SMYD3: variants seen among roughly 807,000 people sequenced by gnomAD.
SMYD3 encodes SET and MYND domain containing 3, also known as histone-lysine N-methyltransferase SMYD3.
A neutral mutation model predicts 57.7 loss-of-function variants in SMYD3; 36 were observed. The observed-to-expected ratio is 0.62, with a 90% confidence interval of 0.48 to 0.82. The LOEUF (loss-of-function observed/expected upper bound fraction) is 0.82. SMYD3 is among the 40% of genes least tolerant of loss of function. The pLI, the probability that SMYD3 is intolerant of heterozygous loss-of-function variation, is 0.00. For missense variants in SMYD3, 515 were observed against 538.8 expected (o/e 0.96, Z 0.44); for synonymous variants, 211 against 195.0 (o/e 1.08, Z -0.68).
intron 1 of SMYD3, among the ~76,000 whole-genome samples, chr1:246,422,701 C>A (rs758101275): frequency 3.3e-5 from 5 of 152,166 alleles, no homozygotes; most frequent in Non-Finnish European, 4.4e-5. Context: ...GGATTACAGG[C>A]GTGAGCCACT....
intron 5 of SMYD3, among the ~76,000 whole-genome samples, chr1:246,319,489 C>A (rs570175469): frequency 1.3e-5 from 2 of 152,258 alleles, no homozygotes; most frequent in East Asian, 3.9e-4. Context: ...TATCATACTG[C>A]CATTTCACAT....
intron 5 of SMYD3, among the ~76,000 whole-genome samples, chr1:246,205,402 G>C (rs1052233914): frequency 2.0e-5 from 3 of 152,188 alleles, no homozygotes; most frequent in Admixed American, 6.5e-5. Flanking sequence ...ATCCAGTACA[G>C]TCATGCGCAG....
chr1:246,089,380 T>C (rs1206320523), intron 5 of SMYD3, among the ~76,000 whole-genome samples: 2 of 152,226 alleles, frequency 1.3e-5, no homozygotes, highest in East Asian at 3.8e-4. Context: ...ACATTTTCCA[T>C]GTCCATGAGT....
In SMYD3 at chr1:245,817,605, T is replaced by C. The variant is rs369692578; in HGVS notation, c.1076+40891A>G. The stretch of plus-strand genomic sequence containing the variant: ...CAGACGATCAAATTACTCTGAGCTA[T>C]GGGAGGACATTCAAACCAAAGGCAA... On this transcript the variant is annotated intron_variant, in intron 10 of 11. Transcript: ENST00000490107. Among the ~76,000 whole-genome samples, 210 of 150,524 alleles carry C rather than the reference T, an allele frequency of 1.4e-3. 2 individuals are homozygous for C. In the South Asian group the frequency reaches 0.03, roughly 22 times the overall value.
intron 5 of SMYD3, among the ~76,000 whole-genome samples, chr1:245,968,967 G>A (rs915298522): frequency 1.3e-5 from 2 of 152,140 alleles, no homozygotes; most frequent in Non-Finnish European, 2.9e-5. Context: ...ATAGGGCTAT[G>A]AGACCTCCAG....
chr1:246,081,982 C>T (rs972849763), intron 5 of SMYD3, among the ~76,000 whole-genome samples: 4 of 152,174 alleles, frequency 2.6e-5, no homozygotes, highest in Non-Finnish European at 5.9e-5. Context: ...AGTTCTGAAA[C>T]CACGTTTGCC....
intron 5 of SMYD3, among the ~76,000 whole-genome samples, chr1:246,075,359 G>A (rs1276713943): frequency 6.6e-6 from 1 of 152,160 alleles, no homozygotes; most frequent in Non-Finnish European, 1.5e-5. Flanking sequence ...AACTCAGCAT[G>A]ATATTGTTGC....
chr1:246,487,279 T>C (rs569356630), intron 1 of SMYD3, among the ~76,000 whole-genome samples: 22 of 152,168 alleles, frequency 1.4e-4, no homozygotes, highest in African/African-American at 3.4e-4. Flanking sequence ...AAACCCCATC[T>C]CTACTTAAAA....
chr1:245,859,613 G>A (rs1041565832), intron 9 of SMYD3, among the ~76,000 whole-genome samples: 3 of 152,188 alleles, frequency 2.0e-5, no homozygotes, highest in African/African-American at 4.8e-5. Flanking sequence ...AGGACCCTGG[G>A]ACCTCGCAGT....
chr1:246,322,659 A>G (rs757576640), intron 5 of SMYD3, among the ~76,000 whole-genome samples: 24 of 152,106 alleles, frequency 1.6e-4, no homozygotes, highest in Admixed American at 6.6e-5. Flanking sequence ...TTCATTGCTC[A>G]CACTTTACAC....
chr1:246,348,077 T>TATATATATATATAC lies in SMYD3; in HGVS notation c.228+6953_228+6954insGTATATATATATAT. Among the ~76,000 whole-genome samples, 686 of 86,142 alleles carry TATATATATATATAC rather than the reference T, an allele frequency of 8.0e-3. 64 individuals carry two copies. Among genetic ancestry groups the TATATATATATATAC allele is most frequent in the Non-Finnish European group, 0.012 (453 of 38,118 alleles). 56.5% of individuals were successfully genotyped at this position (86,142 alleles called of 152,430 possible). On this transcript the variant is annotated intron_variant, in intron 2 of 11. Coordinates refer to ENST00000490107, the MANE Select transcript of SMYD3 (RefSeq NM_001167740.2). ...AGAAAACGTTATATATATATATATA[T>TATATATATATATAC]ACACACACACCATCAAATACTATGA... is the stretch of plus-strand genomic sequence containing the variant.
At chr1:246,443,626 G>A (rs983204921) in intron 1 of SMYD3, among the ~76,000 whole-genome samples, 6 of 152,150 alleles carry the variant, frequency 3.9e-5, no homozygotes, top group East Asian at 1.9e-4. Context: ...CAGGGAAGAT[G>A]GGCACAGGAA....
At chr1:246,083,427 C>A (rs922473023) in intron 5 of SMYD3, among the ~76,000 whole-genome samples, 3 of 151,876 alleles carry the variant, frequency 2.0e-5, no homozygotes, top group African/African-American at 7.2e-5. Flanking sequence ...CCCACTATTA[C>A]CCTATTGTCC....
chr1:245,830,407 C>T (rs1006842995), intron 10 of SMYD3, among the ~76,000 whole-genome samples: 16 of 152,172 alleles, frequency 1.1e-4, no homozygotes, highest in Admixed American at 3.3e-4. Context: ...AACTTATTCA[C>T]TTCCAGGAGA....
chr1:246,363,041 C>T (rs1322193004), intron 1 of SMYD3, among the ~76,000 whole-genome samples: 21 of 151,238 alleles, frequency 1.4e-4, no homozygotes, highest in African/African-American at 1.9e-4. Flanking sequence ...GGCCGCCCAT[C>T]GTCTGAGATG....
rs41308150 is a variant in SMYD3, at chr1:245,927,974, T to C, written c.659A>G (p.His220Arg). The change falls in exon 7 of 12, where the codon CAC (histidine) becomes CGC (arginine). Residue 220 changes from histidine (H) to arginine (R), a missense_variant. Transcript: ENST00000490107. Reference sequence around the variant, plus strand: ...GTCTCGGACTGCTCGCAGTAAGAGGTGGGGCCCATTGAACACAATCGAACA... The same window carrying C: ...GTCTCGGACTGCTCGCAGTAAGAGGCGGGGCCCATTGAACACAATCGAACA... ...PNCSIVFNGP[H>R]LLLRAVRDIE... 5.9e-4 allele frequency: 954 copies of C among 1,612,306 alleles called. 3 individuals are homozygous for C. The Middle Eastern group carries it at 6.1e-3, about 10-fold the overall frequency.
intron 5 of SMYD3, among the ~76,000 whole-genome samples, chr1:246,046,769 TA>T (rs2059973387): frequency 6.6e-6 from 1 of 150,990 alleles, no homozygotes; most frequent in Admixed American, 6.6e-5. Context: ...AATCCAACTT[TA>T]ATAAAAAATC....
Position 245,915,634 on chromosome 1 carries a change from T to A in SMYD3, c.709A>T (p.Ile237Phe), listed in dbSNP as rs143716511. ...GTCATCAGCATATCCAGGTAGCAGA[T>A]GGTGAGCTGTGCAGGCCAGAGAGAG... ...RDIEVGEELT[I>F]CYLDMLMTSE... The change falls in exon 8 of 12, where the codon ATC becomes TTC. Residue 237 changes from isoleucine to phenylalanine, a missense_variant. Transcript: ENST00000490107. 1.2e-5 allele frequency: 19 copies of A among 1,612,006 alleles called. No homozygotes were observed. In the South Asian group the frequency reaches 1.6e-4, roughly 14 times the overall value.
intron 8 of SMYD3, among the ~76,000 whole-genome samples, chr1:245,891,630 C>T (rs1572606122): frequency 1.3e-5 from 2 of 152,298 alleles, no homozygotes; most frequent in South Asian, 2.1e-4. Flanking sequence ...GAGGACAGCA[C>T]GAGTAGTGAT....
Sources: gnomAD v4.1 joint callset for allele counts (sites outside exome capture counted in the v4.1 genomes callset) on GRCh38, gnomAD v4.1.1 for gene constraint, MANE v1.5 for transcripts, NCBI Gene and HGNC (gene_info 2026-07-23, HGNC 2026-07-21) for gene names.